FSTL5: variants seen among roughly 807,000 people sequenced by gnomAD.
FSTL5 encodes the protein follistatin like 5.
Under a neutral mutation model 89.1 loss-of-function variants are expected in FSTL5, and 62 were observed. That is an observed-to-expected ratio of 0.70 (90% CI 0.57 to 0.86). The LOEUF is 0.86. FSTL5 is among the 40% of genes least tolerant of loss of function. FSTL5 has a pLI of 0.00. For synonymous variants in FSTL5, 383 were observed against 346.2 expected, an observed-to-expected ratio of 1.11 and a Z score of -1.18; for missense variants, 1,057 against 1,001.6, an observed-to-expected ratio of 1.06 and a Z score of -0.75.
rs5863497 is a variant in FSTL5, at chr4:161,890,686, T to TAAAA, written c.409+29714_409+29717dup. On this transcript the variant is annotated intron_variant, in intron 4 of 15. Transcript: ENST00000306100. ...CTGGGCAGCAGAGCAAGACTCTGTCTAAAAAAAAAAAAAAAAAAAACAGGG... is the reference window on the plus strand; with the variant it reads ...CTGGGCAGCAGAGCAAGACTCTGTCTAAAAAAAAAAAAAAAAAAAAAAAACAGGG... Among the ~76,000 whole-genome samples the TAAAA allele has an allele frequency of 1.5e-3, 169 of 115,018 alleles. 1 individual carries two copies. Among genetic ancestry groups the TAAAA allele is most frequent in the African/African-American group, 5.5e-3 (165 of 30,260 alleles). 75.5% of individuals were successfully genotyped at this position (115,018 alleles called of 152,430 possible). A position where few individuals can be genotyped will look rare whatever the true frequency, so the allele number is the denominator to read the frequency against.
At chr4:161,463,918 C>T (rs1489742855) in intron 13 of FSTL5, among the ~76,000 whole-genome samples, 3 of 152,158 alleles carry the variant, frequency 2.0e-5, no homozygotes, top group Non-Finnish European at 2.9e-5. Flanking sequence ...AACACAGTCA[C>T]CATTATCATT....
intron 4 of FSTL5, among the ~76,000 whole-genome samples, chr4:161,793,901 G>A (rs1345849815): frequency 6.6e-6 from 1 of 152,106 alleles, no homozygotes; most frequent in African/African-American, 2.4e-5. Context: ...GAGCCACTGT[G>A]CCTGGCCAAG....
At chr4:161,645,328 G>GA (rs1243036683) in intron 7 of FSTL5, among the ~76,000 whole-genome samples, 1 of 151,798 alleles carries the variant, frequency 6.6e-6, no homozygotes, top group Non-Finnish European at 1.5e-5. Context: ...AACGATTTTA[G>GA]AAACTAAACT....
chr4:162,114,184 C>G (rs1731548598), intron 1 of FSTL5, among the ~76,000 whole-genome samples: 1 of 151,848 alleles, frequency 6.6e-6, no homozygotes, highest in Non-Finnish European at 1.5e-5. Context: ...ACCCATCCCC[C>G]TTTTTTTTGT....
At chr4:161,510,130 T>A (rs1212108148) in intron 11 of FSTL5, among the ~76,000 whole-genome samples, 1 of 152,182 alleles carries the variant, frequency 6.6e-6, no homozygotes, top group Non-Finnish European at 1.5e-5. Flanking sequence ...GAGATTGCTT[T>A]TGTTTCTTTG....
At chr4:161,844,576 G>A (rs150120518) in intron 4 of FSTL5, among the ~76,000 whole-genome samples, 7,152 of 152,088 alleles carry the variant, frequency 0.047, 214 homozygotes, top group Non-Finnish European at 0.07. Context: ...AACAAAATGT[G>A]GTACATATAC....
chr4:161,431,110 G>A (rs924436446), intron 15 of FSTL5, among the ~76,000 whole-genome samples: 6 of 151,998 alleles, frequency 3.9e-5, no homozygotes, highest in Admixed American at 6.6e-5. Context: ...TCATCTGAAG[G>A]AACAAGCTAT....
intron 3 of FSTL5, among the ~76,000 whole-genome samples, chr4:161,933,212 C>T (rs1734340544): frequency 6.6e-6 from 1 of 152,026 alleles, no homozygotes; most frequent in East Asian, 1.9e-4. Context: ...CATTGCTGGT[C>T]TTTGCCGGTT....
chr4:161,967,017 C>A (rs961780457), intron 3 of FSTL5, among the ~76,000 whole-genome samples: 1 of 151,162 alleles, frequency 6.6e-6, no homozygotes, highest in Non-Finnish European at 1.5e-5. Context: ...TTAGACATAA[C>A]GAGCCTGGTA....
intron 2 of FSTL5, among the ~76,000 whole-genome samples, chr4:162,072,043 G>A (rs533197486): frequency 4.6e-5 from 7 of 151,792 alleles, no homozygotes; most frequent in South Asian, 2.1e-4. Flanking sequence ...GACATATAAC[G>A]TCAATATCTA....
intron 7 of FSTL5, among the ~76,000 whole-genome samples, chr4:161,618,883 T>G (rs1389890225): frequency 6.6e-6 from 1 of 152,162 alleles, no homozygotes; most frequent in East Asian, 1.9e-4. Context: ...CATCGCCAAG[T>G]CAATCCTAAG....
intron 4 of FSTL5, among the ~76,000 whole-genome samples, chr4:161,823,006 CCTACT>C (rs1486069738): frequency 6.6e-6 from 1 of 152,166 alleles, no homozygotes; most frequent in Non-Finnish European, 1.5e-5. Flanking sequence ...AGAGAAGAGA[CCTACT>C]GCTGGTAGCT....
chr4:161,784,904 AAAC>A (rs1158452355), intron 4 of FSTL5, among the ~76,000 whole-genome samples: 1 of 149,438 alleles, frequency 6.7e-6, no homozygotes, highest in African/African-American at 2.5e-5. Flanking sequence ...AAAAAAACAA[AAAC>A]AAACAAACAA....
chr4:161,683,506 C>G (rs562092640), intron 6 of FSTL5, among the ~76,000 whole-genome samples: 1 of 151,944 alleles, frequency 6.6e-6, no homozygotes, highest in Non-Finnish European at 1.5e-5. Context: ...TTAGAAATTA[C>G]TGTATATAAC....
At position 161,664,028 on chromosome 4, in the gene FSTL5, A is replaced by G. The variant is rs141426648; in HGVS notation, c.728-7534T>C. Among the ~76,000 whole-genome samples, 918 of 152,258 alleles carry G rather than the reference A, an allele frequency of 6.0e-3. 9 individuals carry two copies. Among genetic ancestry groups the G allele is most frequent in the South Asian group, 0.046 (220 of 4,824 alleles). On this transcript the variant is annotated intron_variant, in intron 6 of 15. Transcript: ENST00000306100. Reference sequence around the variant, plus strand: ...CACAGCTGGAGCCGGTGAGACACAGAGCAACAAGTCCCTAGGCTGCTCAAA... The same window carrying G: ...CACAGCTGGAGCCGGTGAGACACAGGGCAACAAGTCCCTAGGCTGCTCAAA...
At chr4:161,863,249 A>G (rs1731974348) in intron 4 of FSTL5, among the ~76,000 whole-genome samples, 1 of 152,192 alleles carries the variant, frequency 6.6e-6, no homozygotes, top group Non-Finnish European at 1.5e-5. Context: ...AACAGTGTAT[A>G]ATCATGATGA....
Position 162,089,112 on chromosome 4 carries a change from C to G in FSTL5, c.126+22159G>C, listed in dbSNP as rs138287141. 3.8e-4 allele frequency among the ~76,000 whole-genome samples: 58 copies of G among 152,250 alleles called. No individual in the cohort carries two copies. The South Asian group carries it at 5.2e-3, about 14-fold the overall frequency. Reference sequence around the variant, plus strand: ...TGCATATCTCTTTCCCTCTCTCTCTCTCTCACCCTCTCATGCTCTCTTGCC... The same window carrying G: ...TGCATATCTCTTTCCCTCTCTCTCTGTCTCACCCTCTCATGCTCTCTTGCC... On this transcript the variant is annotated intron_variant, in intron 2 of 15. Transcript: ENST00000306100.
intron 6 of FSTL5, among the ~76,000 whole-genome samples, chr4:161,733,340 T>C (rs919467535): frequency 2.6e-5 from 4 of 152,186 alleles, no homozygotes; most frequent in African/African-American, 9.6e-5. Flanking sequence ...GTATTGACAT[T>C]ATATTCTGTG....
intron 3 of FSTL5, among the ~76,000 whole-genome samples, chr4:161,941,659 G>A (rs552178596): frequency 6.6e-6 from 1 of 151,974 alleles, no homozygotes; most frequent in African/African-American, 2.4e-5. Flanking sequence ...AGGGACCTTG[G>A]CAGCATTGAA....
Sources: gnomAD v4.1 joint callset for allele counts (sites outside exome capture counted in the v4.1 genomes callset) on GRCh38, gnomAD v4.1.1 for gene constraint, MANE v1.5 for transcripts, NCBI Gene and HGNC (gene_info 2026-07-23, HGNC 2026-07-21) for gene names.